Variants in CYP2C19 observed in about 807,000 individuals in gnomAD.
CYP2C19 encodes cytochrome P450 2C19.
Under a neutral mutation model 40.9 loss-of-function variants are expected in CYP2C19, and 59 were observed. That is an observed-to-expected ratio of 1.44 (90% CI 1.17 to 1.79). CYP2C19 has a LOEUF of 1.79. Among genes scored for constraint, CYP2C19 ranks in the 40% most tolerant of loss-of-function variants. The pLI, the probability that CYP2C19 is intolerant of heterozygous loss-of-function variation, is 0.00. For synonymous variants in CYP2C19, 253 were observed against 208.7 expected (o/e 1.21, Z -1.83); for missense variants, 754 against 596.9 (o/e 1.26, Z -2.74).
chr10:94,850,314 A>G (rs149775496), intron 8 of CYP2C19, among the ~76,000 whole-genome samples: 22 of 152,262 alleles, frequency 1.4e-4, no homozygotes, highest in African/African-American at 5.1e-4. Flanking sequence ...CTGCCTCTAG[A>G]TACACCACTG....
intron 6 of CYP2C19, among the ~76,000 whole-genome samples, chr10:94,837,567 GA>G (rs768001204): frequency 2.0e-5 from 3 of 151,988 alleles, no homozygotes; most frequent in Admixed American, 2.0e-4. Flanking sequence ...CATGTGAAAA[GA>G]GTAAAGTTCC....
intron 1 of CYP2C19, among the ~76,000 whole-genome samples, chr10:94,772,188 A>T (rs542514139): frequency 3.9e-5 from 6 of 152,144 alleles, no homozygotes; most frequent in Admixed American, 6.5e-5. Context: ...AACAGGAAGG[A>T]TAGAATTTCT....
chr10:94,852,776 G>A lies in CYP2C19; in HGVS notation c.1335G>A (p.Leu445=). ...CVGEGLARME[L]FLFLTFILQN... ...GAGAGGGCCTGGCCCGCATGGAGCT[G>A]TTTTTATTCCTGACCTTCATTTTAC... is the stretch of plus-strand genomic sequence containing the variant. Residue 445 remains leucine, a synonymous_variant, in exon 9 of 9, where the codon CTG becomes CTA. Coordinates refer to ENST00000371321, the MANE Select transcript of CYP2C19 (RefSeq NM_000769.4). The A allele has an allele frequency of 6.2e-7, 1 of 1,614,056 alleles. No homozygotes were observed. The highest frequency in any genetic ancestry group is 1.1e-5 in the South Asian group (1 of 91,086).
chr10:94,850,467 T>G (rs2134293158), intron 8 of CYP2C19, among the ~76,000 whole-genome samples: 1 of 152,278 alleles, frequency 6.6e-6, no homozygotes, highest in Non-Finnish European at 1.5e-5. Context: ...TAGGATAAAA[T>G]TATCCTCAAA....
In CYP2C19 at chr10:94,838,726, A is replaced by T. The variant is rs138068662; in HGVS notation, c.962-4111A>T. Among the ~76,000 whole-genome samples, 303 of 152,248 alleles carry T rather than the reference A, an allele frequency of 2.0e-3. 7 individuals carry two copies. In the East Asian group the frequency reaches 0.051, roughly 26 times the overall value. ...GGGAGGTAGACTGAGGGCTTCCTGT[A>T]GGGCATAAATCACACTTTTTACATA... On this transcript the variant is annotated intron_variant, in intron 6 of 8. Coordinates refer to ENST00000371321, the MANE Select transcript of CYP2C19 (RefSeq NM_000769.4).
Position 94,842,961 on chromosome 10 carries a change from C to T in CYP2C19, c.1086C>T (p.Ile362=), listed in dbSNP as rs1045326720. 2.5e-6 allele frequency: 4 copies of T among 1,614,184 alleles called. No individual in the cohort carries two copies. The highest frequency in any genetic ancestry group is 2.2e-5 in the East Asian group (1 of 44,880). Residue 362 remains isoleucine (I), a synonymous_variant, in exon 7 of 9, where the codon ATC becomes ATT. Coordinates refer to ENST00000371321, the MANE Select transcript of CYP2C19 (RefSeq NM_000769.4). ...AGGTCCAGAGATACATCGACCTCAT[C>T]CCCACCAGCCTGCCCCATGCAGTGA... ...VHEVQRYIDL[I]PTSLPHAVTC...
chr10:94,778,165 G>A (rs1332335649), intron 3 of CYP2C19, among the ~76,000 whole-genome samples: 1 of 152,160 alleles, frequency 6.6e-6, no homozygotes, highest in Non-Finnish European at 1.5e-5. Flanking sequence ...CATGCAATCT[G>A]TAGGTAATTA....
At chr10:94,810,068 G>A (rs907004289) in intron 5 of CYP2C19, among the ~76,000 whole-genome samples, 3 of 152,220 alleles carry the variant, frequency 2.0e-5, no homozygotes, top group Non-Finnish European at 2.9e-5. Context: ...CTTTAGTAGA[G>A]ACTGAGTTTC....
chr10:94,813,866 C>T lies in CYP2C19; in HGVS notation c.820-6630C>T, dbSNP rs185213823. On this transcript the variant is annotated intron_variant, in intron 5 of 8. Coordinates refer to ENST00000371321, the MANE Select transcript of CYP2C19 (RefSeq NM_000769.4). ...CCCCTCCAGCTATCTTGGTGTCTGC[C>T]CAGATGACCACCCAGTTTTGTGCTT... Among the ~76,000 whole-genome samples, 292 of 151,684 alleles carry T rather than the reference C, an allele frequency of 1.9e-3. 1 individual carries two copies. The highest frequency in any genetic ancestry group is 1.5e-3 in the Non-Finnish European group (104 of 67,942).
At chr10:94,813,849 G>T (rs1325784672) in intron 5 of CYP2C19, among the ~76,000 whole-genome samples, 8 of 151,704 alleles carry the variant, frequency 5.3e-5, no homozygotes. Context: ...AACCCCTCCA[G>T]CTATCTTGGT....
intron 5 of CYP2C19, among the ~76,000 whole-genome samples, chr10:94,812,800 T>C (rs1001910334): frequency 6.6e-5 from 10 of 151,908 alleles, no homozygotes; most frequent in Admixed American, 2.0e-4. Context: ...TTGCAATGGG[T>C]TAGAACATGC....
Position 94,797,309 on chromosome 10 carries a change from T to A in CYP2C19, c.819+15312T>A, listed in dbSNP as rs112800994. Reference sequence around the variant, plus strand: ...TGGATTACGTTTATTGATTTGCATATGTTGAACCAGCCTTGCATCCCAGGG... The same window carrying A: ...TGGATTACGTTTATTGATTTGCATAAGTTGAACCAGCCTTGCATCCCAGGG... On this transcript the variant is annotated intron_variant, in intron 5 of 8. Coordinates refer to ENST00000371321, the MANE Select transcript of CYP2C19 (RefSeq NM_000769.4). Among the ~76,000 whole-genome samples, 55 of 152,284 alleles carry A rather than the reference T, an allele frequency of 3.6e-4. 1 individual carries two copies. The highest frequency in any genetic ancestry group is 1.3e-3 in the African/African-American group (52 of 41,560).
At chr10:94,790,834 T>C (rs1275433163) in intron 5 of CYP2C19, among the ~76,000 whole-genome samples, 1 of 152,164 alleles carries the variant, frequency 6.6e-6, no homozygotes, top group Non-Finnish European at 1.5e-5. Flanking sequence ...AATTCTCTTT[T>C]TTTGTGTGTC....
chr10:94,775,107 G>T lies in CYP2C19; in HGVS notation c.218G>T (p.Arg73Leu). 2 of 1,614,112 alleles carry T rather than the reference G, an allele frequency of 1.2e-6. No individual in the cohort carries two copies. Among genetic ancestry groups the T allele is most frequent in the Non-Finnish European group, 1.7e-6 (2 of 1,180,024 alleles). The change falls in exon 2 of 9, where the codon CGC becomes CTC. Residue 73 changes from arginine (R) to leucine (L), a missense_variant. Physicochemically the swap from Arg to Leu is moderately radical, Grantham distance 102 (BLOSUM62 -2). Coordinates refer to ENST00000371321, the MANE Select transcript of CYP2C19 (RefSeq NM_000769.4). ...PVFTLYFGLE[R>L]MVVLHGYEVV... ...TTCACTCTGTATTTTGGCCTGGAAC[G>T]CATGGTGGTGCTGCATGGATATGAA...
At chr10:94,798,955 C>T (rs1261498914) in intron 5 of CYP2C19, among the ~76,000 whole-genome samples, 1 of 150,858 alleles carries the variant, frequency 6.6e-6, no homozygotes, top group Non-Finnish European at 1.5e-5. Context: ...ACTTTTTATC[C>T]GATTTTACAG....
intron 5 of CYP2C19, among the ~76,000 whole-genome samples, chr10:94,806,030 C>T (rs1357480620): frequency 1.3e-5 from 2 of 152,012 alleles, no homozygotes; most frequent in East Asian, 3.9e-4. Flanking sequence ...GAACCCCACC[C>T]CCACCTCAAA....
At position 94,848,463 on chromosome 10, in the gene CYP2C19, C is replaced by T. The variant is rs1257133307; in HGVS notation, c.1150-1454C>T. On this transcript the variant is annotated intron_variant, in intron 7 of 8. Coordinates refer to ENST00000371321, the MANE Select transcript of CYP2C19 (RefSeq NM_000769.4). ...TCTCTGTTTTGGTACCAGTACCATG[C>T]TGTTTTGGTTACTGTAGCCTTGTAG... is the stretch of plus-strand genomic sequence containing the variant. 4.6e-5 allele frequency among the ~76,000 whole-genome samples: 7 copies of T among 152,282 alleles called. No homozygotes were observed. The East Asian group carries it at 1.2e-3, about 25-fold the overall frequency.
chr10:94,818,383 G>T lies in CYP2C19; in HGVS notation c.820-2113G>T, dbSNP rs1053528241. On this transcript the variant is annotated intron_variant, in intron 5 of 8. Coordinates refer to ENST00000371321, the MANE Select transcript of CYP2C19 (RefSeq NM_000769.4). ...GACTTGATGATGCGGGCTCTTTTTT[G>T]GTTCCATATGAACTTTAAAGTAGTT... Among the ~76,000 whole-genome samples the T allele has an allele frequency of 2.6e-5, 4 of 151,760 alleles. No individual in the cohort carries two copies. In the East Asian group the frequency reaches 5.8e-4, roughly 22 times the overall value.
intron 7 of CYP2C19, among the ~76,000 whole-genome samples, chr10:94,843,968 A>C (rs1849535817): frequency 6.6e-6 from 1 of 152,196 alleles, no homozygotes; most frequent in Non-Finnish European, 1.5e-5. Flanking sequence ...AATAAATATA[A>C]ATAGAAATAA....
Sources: allele counts gnomAD v4.1 joint callset (sites outside exome capture counted in the v4.1 genomes callset), GRCh38; gene constraint gnomAD v4.1.1; transcripts MANE v1.5; gene names NCBI Gene and HGNC (gene_info 2026-07-23, HGNC 2026-07-21).